The following TPX2 variants were observed in gnomAD, a reference collection of about 807,000 sequenced individuals.
TPX2 encodes the protein targeting protein for Xklp2.
TPX2 carries 21 observed loss-of-function variants against 93.6 expected under a neutral mutation model. The observed-to-expected ratio is 0.22, with a 90% CI of 0.16 to 0.32. TPX2 has a LOEUF of 0.32. Ranked by LOEUF, TPX2 falls within the 10% of genes least tolerant of loss-of-function variation. The pLI, the probability that TPX2 is intolerant of heterozygous loss-of-function variation, is 1.00. For synonymous variants in TPX2, 281 were observed against 298.3 expected (o/e 0.94, Z 0.60); for missense variants, 776 against 871.1 (o/e 0.89, Z 1.37).
At chr20:31,788,427 A>G (rs371762324) in intron 12 of TPX2, among the ~76,000 whole-genome samples, 2 of 151,678 alleles carry the variant, frequency 1.3e-5, no homozygotes, top group East Asian at 1.9e-4. Context: ...CAAAAAAAAA[A>G]AAAAAAAAAA....
chr20:31,794,160 G>A (rs758464929), intron 14 of TPX2, 136 bp downstream of exon 14: 1 of 1,113,278 alleles, frequency 9.0e-7, no homozygotes, highest in Non-Finnish European at 1.3e-6. Context: ...ATATAAATGG[G>A]ACAAGTAATT....
Position 31,783,762 on chromosome 20 carries a change from G to A in TPX2, c.1254G>A (p.Leu418=). The A allele has an allele frequency of 1.2e-6, 2 of 1,613,380 alleles. No homozygotes were observed. The highest frequency in any genetic ancestry group is 2.2e-5 in the South Asian group (2 of 90,888). The change falls in exon 12 of 18, where the codon TTG becomes TTA. Residue 418 remains leucine (L), a synonymous_variant. Coordinates refer to ENST00000300403, the MANE Select transcript of TPX2 (RefSeq NM_012112.5). ...GAATACTTGAAGGTGGGCCCATCTTGCCCAAGAAACCACCTGTGAAACCAC... is the reference window on the plus strand; with the variant it reads ...GAATACTTGAAGGTGGGCCCATCTTACCCAAGAAACCACCTGTGAAACCAC... ...DPRILEGGPI[L]PKKPPVKPPT...
In TPX2 at chr20:31,757,419, T is replaced by G; in HGVS notation, c.-58T>G. On this transcript the variant is annotated 5_prime_UTR_variant, in exon 3 of 18. Coordinates refer to ENST00000300403, the MANE Select transcript of TPX2 (RefSeq NM_012112.5). ...TTTCTTTCCTCAGAAGGTGACCTGC[T>G]GAGAAAAGTGGTACAAATACTGGGA... 142 of 1,374,956 alleles carry G rather than the reference T, an allele frequency of 1.0e-4. No individual in the cohort carries two copies. The highest frequency in any genetic ancestry group is 1.8e-4 in the Middle Eastern group (1 of 5,516). The allele number at this position is 1,374,956 out of a possible 1,614,324, so 85.2% of individuals were successfully genotyped here. A position where few individuals can be genotyped will look rare whatever the true frequency, so the allele number is the denominator to read the frequency against.
intron 2 of TPX2, among the ~76,000 whole-genome samples, chr20:31,752,030 A>G (rs2061823446): frequency 6.6e-6 from 1 of 152,042 alleles, no homozygotes; most frequent in Non-Finnish European, 1.5e-5. Flanking sequence ...GGTGTGAGCT[A>G]CCGTGCCTGG....
intron 5 of TPX2, 118 bp from the exon 6 acceptor site, chr20:31,770,225 T>TAA (rs1259614432): frequency 1.6e-6 from 1 of 620,302 alleles, no homozygotes; most frequent in African/African-American, 1.9e-5. Context: ...AGAGCAGAGA[T>TAA]AATAGCACTC....
chr20:31,760,209 T>C, intron 4 of TPX2, 30 bp downstream of exon 4: 1 of 1,612,000 alleles, frequency 6.2e-7, no homozygotes, highest in Non-Finnish European at 8.5e-7. Flanking sequence ...AAAAGCTCCT[T>C]GATAGAATGG....
At chr20:31,749,720 G>A (rs540806814) in intron 2 of TPX2, among the ~76,000 whole-genome samples, 3 of 152,012 alleles carry the variant, frequency 2.0e-5, no homozygotes, top group Non-Finnish European at 2.9e-5. Context: ...ACATGAACCC[G>A]TGAGCCAGAG....
chr20:31,772,847 T>C (rs1288371479), intron 7 of TPX2, among the ~76,000 whole-genome samples: 2 of 152,184 alleles, frequency 1.3e-5, no homozygotes, highest in African/African-American at 2.4e-5. Flanking sequence ...AACCATTTCT[T>C]TGAGTGATCT....
chr20:31,798,604 T>C, intron 17 of TPX2, 52 bp downstream of exon 17: 6 of 1,516,078 alleles, frequency 4.0e-6, no homozygotes, highest in Non-Finnish European at 5.3e-6. Flanking sequence ...TGTTTTATTT[T>C]ACCTGTACCT....
intron 12 of TPX2, 87 bp downstream of exon 12, chr20:31,784,008 A>T: frequency 7.1e-7 from 1 of 1,402,928 alleles, no homozygotes; most frequent in Non-Finnish European, 9.9e-7. Flanking sequence ...GGTAGATATT[A>T]TGAGCAGGGC....
At chr20:31,762,646 G>A (rs1043500098) in intron 4 of TPX2, among the ~76,000 whole-genome samples, 3 of 151,992 alleles carry the variant, frequency 2.0e-5, no homozygotes, top group South Asian at 2.1e-4. Flanking sequence ...CACCGCCCTC[G>A]GCCTCCCCTA....
intron 12 of TPX2, among the ~76,000 whole-genome samples, chr20:31,784,225 AG>A (rs2062051537): frequency 6.6e-6 from 1 of 152,224 alleles, no homozygotes; most frequent in African/African-American, 2.4e-5. Flanking sequence ...CTTTGTAGAG[AG>A]GCACATTTGA....
At chr20:31,754,327 C>T (rs1034959716) in intron 2 of TPX2, among the ~76,000 whole-genome samples, 15 of 152,060 alleles carry the variant, frequency 9.9e-5, no homozygotes, top group Admixed American at 2.0e-4. Context: ...GTGATCCTCC[C>T]GCCGCGTCCT....
chr20:31,744,062 A>AT (rs1427630948), intron 2 of TPX2, among the ~76,000 whole-genome samples: 3 of 150,916 alleles, frequency 2.0e-5, no homozygotes, highest in Non-Finnish European at 2.9e-5. Flanking sequence ...TCTGCAGTTG[A>AT]TTGAATCCAC....
At chr20:31,751,663 A>G (rs1382218850) in intron 2 of TPX2, among the ~76,000 whole-genome samples, 5 of 152,180 alleles carry the variant, frequency 3.3e-5, no homozygotes, top group African/African-American at 1.2e-4. Flanking sequence ...AATGCCAGAG[A>G]GGGCATTCTG....
At chr20:31,789,569 T>C (rs1041851171) in intron 12 of TPX2, among the ~76,000 whole-genome samples, 1 of 151,914 alleles carries the variant, frequency 6.6e-6, no homozygotes, top group African/African-American at 2.4e-5. Context: ...AATATTCCAG[T>C]CCTCAAGGAG....
Position 31,757,542 on chromosome 20 carries a change from G to A in TPX2, c.66G>A (p.Leu22=). The A allele has an allele frequency of 6.2e-7, 1 of 1,613,890 alleles. No individual in the cohort carries two copies. The highest frequency in any genetic ancestry group is 8.5e-7 in the Non-Finnish European group (1 of 1,179,958). ...CGGATTTCATCAATTTTTCATCCTT[G>A]GATGATGAAGGAGATACTCAAAACA... is the stretch of plus-strand genomic sequence containing the variant. ...APSDFINFSS[L]DDEGDTQNID... The change falls in exon 3 of 18, where the codon TTG becomes TTA. Residue 22 remains leucine, a synonymous_variant. Transcript: ENST00000300403.
chr20:31,775,458 C>A (rs1254025209), intron 7 of TPX2, among the ~76,000 whole-genome samples: 1 of 151,878 alleles, frequency 6.6e-6, no homozygotes, highest in African/African-American at 2.4e-5. Context: ...TCCCTGCAAC[C>A]TCCCCCTCCC....
chr20:31,792,957 G>T (rs755891391), intron 13 of TPX2, 127 bp downstream of exon 13: 13 of 792,506 alleles, frequency 1.6e-5, no homozygotes, highest in Non-Finnish European at 2.5e-5. Context: ...TTTAAGAATG[G>T]GTATGAACAT....
Sources: gnomAD v4.1 joint callset for allele counts (sites outside exome capture counted in the v4.1 genomes callset) on GRCh38, gnomAD v4.1.1 for gene constraint, MANE v1.5 for transcripts, NCBI Gene and HGNC (gene_info 2026-07-23, HGNC 2026-07-21) for gene names.